The following ST6GAL1 variants were observed in gnomAD, a reference collection of about 807,000 sequenced individuals.
ST6GAL1 encodes beta-galactoside alpha-2,6-sialyltransferase 1.
A neutral mutation model predicts 38.0 loss-of-function variants in ST6GAL1; 20 were observed. That is an observed-to-expected ratio of 0.53 (90% confidence interval 0.37 to 0.77). The LOEUF (loss-of-function observed/expected upper bound fraction) is 0.77, where lower values mean the gene tolerates loss of function less well. ST6GAL1 is among the 30% of genes least tolerant of loss of function. ST6GAL1 has a pLI of 0.00. For missense variants in ST6GAL1, 432 were observed against 496.4 expected (o/e 0.87, Z 1.23); for synonymous variants, 196 against 188.2 (o/e 1.04, Z -0.34).
chr3:186,979,910 T>C (rs1294898938), intron 2 of ST6GAL1, among the ~76,000 whole-genome samples: 1 of 152,218 alleles, frequency 6.6e-6, no homozygotes, highest in Non-Finnish European at 1.5e-5. Flanking sequence ...GTCAGTGATG[T>C]TGGTGATACT....
intron 1 of ST6GAL1, chr3:186,948,772 A>G (rs1714475891): frequency 6.6e-6 from 1 of 152,394 alleles, no homozygotes; most frequent in Non-Finnish European, 1.5e-5. Context: ...CTCTTGTGCC[A>G]TGCTCACTAT....
intron 2 of ST6GAL1, among the ~76,000 whole-genome samples, chr3:186,994,436 C>T (rs1431068045): frequency 6.6e-6 from 1 of 152,136 alleles, no homozygotes; most frequent in African/African-American, 2.4e-5. Flanking sequence ...GTGTTAGATT[C>T]ACTGAGTGAA....
intron 4 of ST6GAL1, among the ~76,000 whole-genome samples, chr3:187,048,168 C>A (rs983689245): frequency 6.6e-6 from 1 of 152,154 alleles, no homozygotes. Context: ...TGGTCTCGAT[C>A]TCCTGACCTC....
intron 1 of ST6GAL1, among the ~76,000 whole-genome samples, chr3:186,937,701 A>G (rs1183175435): frequency 1.3e-5 from 2 of 152,158 alleles, no homozygotes; most frequent in Admixed American, 1.3e-4. Flanking sequence ...AGCAGTGGGA[A>G]TGGCCTCCTG....
chr3:187,024,702 A>T (rs1717465147), intron 2 of ST6GAL1: 1 of 152,048 alleles, frequency 6.6e-6, no homozygotes, highest in Non-Finnish European at 1.5e-5. Flanking sequence ...GCCACTCCAC[A>T]GGAGAAATGA....
At chr3:186,948,528 AGTGTGT>A (rs36234165) in intron 1 of ST6GAL1, among the ~76,000 whole-genome samples, 12,433 of 146,096 alleles carry the variant, frequency 0.085, 714 homozygotes, top group African/African-American at 0.17. Context: ...CAGAAACTCT[AGTGTGT>A]GTGTGTGTGT....
At position 187,015,992 on chromosome 3, in the gene ST6GAL1, C is replaced by T. The variant is rs569171091; in HGVS notation, c.-182-22750C>T. 8.5e-5 allele frequency among the ~76,000 whole-genome samples: 13 copies of T among 152,314 alleles called. No homozygotes were observed. The South Asian group carries it at 1.2e-3, about 15-fold the overall frequency. ...TGAGATGGAAAGGATAACACGGTAC[C>T]GGCTTTGGAGGACTGTGGTGAGATT... On this transcript the variant is annotated intron_variant, in intron 2 of 7. Coordinates refer to ENST00000169298, the MANE Select transcript of ST6GAL1 (RefSeq NM_173216.2).
chr3:186,978,842 G>C (rs1304914625), intron 2 of ST6GAL1, among the ~76,000 whole-genome samples: 4 of 151,842 alleles, frequency 2.6e-5, no homozygotes, highest in Admixed American at 2.6e-4. Context: ...CCCCATCCCT[G>C]AACACAATGG....
intron 5 of ST6GAL1, among the ~76,000 whole-genome samples, chr3:187,068,542 C>T (rs1719252018): frequency 6.6e-6 from 1 of 152,124 alleles, no homozygotes; most frequent in Non-Finnish European, 1.5e-5. Context: ...ATGACAGTAC[C>T]TAGCATGTAG....
Position 187,065,837 on chromosome 3 carries a change from A to G in ST6GAL1, c.706-7012A>G, listed in dbSNP as rs75850362. On this transcript the variant is annotated intron_variant, in intron 5 of 7. Transcript: ENST00000169298. ...TATATATACCATCTAAGGGTCTTAC[A>G]TGCCTTCTCTCATTTGATCTTCATG... Among the ~76,000 whole-genome samples, 777 of 152,326 alleles carry G rather than the reference A, an allele frequency of 5.1e-3. 8 individuals are homozygous for G. In the East Asian group the frequency reaches 0.062, roughly 12 times the overall value.
At chr3:186,938,072 AAAATG>A (rs553279517) in intron 1 of ST6GAL1, among the ~76,000 whole-genome samples, 9 of 152,340 alleles carry the variant, frequency 5.9e-5, no homozygotes, top group East Asian at 1.9e-4. Context: ...AGACTGTCTC[AAAATG>A]AAATGAAATG....
intron 1 of ST6GAL1, among the ~76,000 whole-genome samples, chr3:186,951,308 C>T (rs540142664): frequency 1.6e-4 from 25 of 152,248 alleles, no homozygotes; most frequent in African/African-American, 5.8e-4. Flanking sequence ...CCGCCCACAT[C>T]GGCCTCCCAA....
chr3:186,942,590 T>G (rs1714217152), intron 1 of ST6GAL1, among the ~76,000 whole-genome samples: 1 of 152,168 alleles, frequency 6.6e-6, no homozygotes, highest in Non-Finnish European at 1.5e-5. Flanking sequence ...CCCACCGTGT[T>G]TAAGGCTGAT....
intron 4 of ST6GAL1, among the ~76,000 whole-genome samples, chr3:187,050,162 A>G (rs547403258): frequency 6.6e-5 from 10 of 152,294 alleles, no homozygotes; most frequent in Admixed American, 6.5e-4. Flanking sequence ...GTTCAGTCAA[A>G]TGCCCTCACT....
chr3:187,030,397 G>T (rs1717702604), intron 2 of ST6GAL1, among the ~76,000 whole-genome samples: 1 of 152,296 alleles, frequency 6.6e-6, no homozygotes, highest in South Asian at 2.1e-4. Context: ...TGTGGCTCCA[G>T]TGAGTAGAGC....
At chr3:186,978,930 A>G (rs4686825) in intron 2 of ST6GAL1, among the ~76,000 whole-genome samples, 96,601 of 150,916 alleles carry the variant, frequency 0.64, 31,002 homozygotes, top group East Asian at 0.76. Flanking sequence ...CTCCTGTTCA[A>G]ACTTCAAAAC....
intron 1 of ST6GAL1, among the ~76,000 whole-genome samples, chr3:186,963,561 G>A (rs777899994): frequency 3.8e-4 from 58 of 152,114 alleles, no homozygotes; most frequent in Middle Eastern, 3.2e-3. Context: ...AGGATTCCAC[G>A]ACTGTAGCAG....
intron 2 of ST6GAL1, among the ~76,000 whole-genome samples, chr3:187,033,832 C>T (rs1486166030): frequency 6.6e-6 from 1 of 151,936 alleles, no homozygotes; most frequent in Non-Finnish European, 1.5e-5. Context: ...AAATTAACAA[C>T]CTAATATTGC....
chr3:186,950,793 C>T (rs901797753), intron 1 of ST6GAL1, among the ~76,000 whole-genome samples: 3 of 152,174 alleles, frequency 2.0e-5, no homozygotes, highest in Admixed American at 6.5e-5. Flanking sequence ...CTCTAAAGTT[C>T]TGTGATATGA....
Sources: gnomAD v4.1 joint callset for allele counts (sites outside exome capture counted in the v4.1 genomes callset) on GRCh38, gnomAD v4.1.1 for gene constraint, MANE v1.5 for transcripts, NCBI Gene and HGNC (gene_info 2026-07-23, HGNC 2026-07-21) for gene names.